Variants in SPATA6 observed in about 807,000 individuals in gnomAD.
SPATA6 encodes spermatogenesis-associated protein 6.
SPATA6 carries 56 observed loss-of-function variants against 65.3 expected under a neutral mutation model. That is an observed-to-expected ratio of 0.86 (90% CI 0.69 to 1.07). The LOEUF (loss-of-function observed/expected upper bound fraction) is 1.07, where lower values mean the gene tolerates loss of function less well. SPATA6 is among the 50% of genes least tolerant of loss of function. SPATA6 has a pLI of 0.00. For missense variants in SPATA6, 590 were observed against 594.8 expected (o/e 0.99, Z 0.08); for synonymous variants, 199 against 213.2 (o/e 0.93, Z 0.58).
chr1:48,373,871 G>C (rs1440098006), intron 9 of SPATA6, among the ~76,000 whole-genome samples: 2 of 152,138 alleles, frequency 1.3e-5, no homozygotes, highest in East Asian at 3.9e-4. Context: ...CTTCCCCCTG[G>C]GTCCTTCCCA....
intron 2 of SPATA6, among the ~76,000 whole-genome samples, 185 bp downstream of exon 2, chr1:48,452,809 G>A (rs1462958265): frequency 6.6e-6 from 1 of 152,142 alleles, no homozygotes; most frequent in Non-Finnish European, 1.5e-5. Flanking sequence ...AGGGAAAAAA[G>A]GCAACTGATT....
At chr1:48,288,779 G>C in the SPATA6 span, among the ~76,000 whole-genome samples, 15 of 152,224 alleles carry the variant, frequency 9.9e-5, no homozygotes, top group African/African-American at 3.6e-4. Flanking sequence ...GAACTGCAAG[G>C]TGGCAGCAAG....
At chr1:48,271,289 AG>A in the SPATA6 span, among the ~76,000 whole-genome samples, 2 of 152,158 alleles carry the variant, frequency 1.3e-5, no homozygotes, top group African/African-American at 2.4e-5. Flanking sequence ...ATAAACAAAA[AG>A]GCAGGCCATT....
chr1:48,311,436 GTCTAGAATGGTA>G (rs1193077694), intron 11 of SPATA6, among the ~76,000 whole-genome samples: 7 of 152,110 alleles, frequency 4.6e-5, no homozygotes, highest in African/African-American at 1.7e-4. Context: ...TTATAGAATT[GTCTAGAATGGTA>G]TCTATAAATA....
chr1:48,447,611 T>C (rs191115030), intron 3 of SPATA6, among the ~76,000 whole-genome samples: 1 of 152,284 alleles, frequency 6.6e-6, no homozygotes, highest in Admixed American at 6.5e-5. Flanking sequence ...GCACACAATC[T>C]TTTCAAGTGC....
At chr1:48,290,425 G>A (rs1372606849), downstream of SPATA6, among the ~76,000 whole-genome samples, 1 of 152,196 alleles carries the variant, frequency 6.6e-6, no homozygotes, top group Non-Finnish European at 1.5e-5. Flanking sequence ...TCGAGGCTAG[G>A]AAGAAACTGC....
chr1:48,275,554 T>A, the SPATA6 span, among the ~76,000 whole-genome samples: 1 of 152,168 alleles, frequency 6.6e-6, no homozygotes, highest in Admixed American at 6.5e-5. Flanking sequence ...CAAGAAGGGG[T>A]GCTGAATTTT....
At chr1:48,445,165 C>CAA (rs1453622813) in intron 3 of SPATA6, among the ~76,000 whole-genome samples, 1 of 152,080 alleles carries the variant, frequency 6.6e-6, no homozygotes, top group Non-Finnish European at 1.5e-5. Context: ...TCTTTGCTTC[C>CAA]ACTGACATAC....
chr1:48,470,305 A>T (rs34443737), intron 1 of SPATA6, among the ~76,000 whole-genome samples: 60 of 152,188 alleles, frequency 3.9e-4, no homozygotes, highest in Non-Finnish European at 8.4e-4. Context: ...CCAGACTGCT[A>T]AACACCATTA....
chr1:48,412,891 T>C (rs1274356783), intron 4 of SPATA6, among the ~76,000 whole-genome samples: 1 of 151,992 alleles, frequency 6.6e-6, no homozygotes, highest in East Asian at 1.9e-4. Flanking sequence ...AGTGCTGGGA[T>C]TGCAGGCATG....
chr1:48,372,428 T>C (rs1049108925), intron 9 of SPATA6, among the ~76,000 whole-genome samples: 1 of 152,196 alleles, frequency 6.6e-6, no homozygotes, highest in Non-Finnish European at 1.5e-5. Flanking sequence ...TGATGCAAGA[T>C]GTGGGTTCCC....
chr1:48,404,055 G>A (rs1354959498), intron 5 of SPATA6, among the ~76,000 whole-genome samples, 173 bp from the exon 6 acceptor site: 3 of 152,110 alleles, frequency 2.0e-5, no homozygotes, highest in African/African-American at 7.2e-5. Context: ...ATGTTAGCAA[G>A]TAACAATGTC....
intron 3 of SPATA6, chr1:48,437,114 G>A (rs1211165682): frequency 9.4e-6 from 15 of 1,597,940 alleles, no homozygotes; most frequent in South Asian, 5.5e-5. Flanking sequence ...ATACTTTCAC[G>A]GTTGCCTCCT....
chr1:48,278,352 GAGA>G, the SPATA6 span, among the ~76,000 whole-genome samples: 1 of 152,226 alleles, frequency 6.6e-6, no homozygotes, highest in Non-Finnish European at 1.5e-5. Flanking sequence ...GATGAGTTGA[GAGA>G]AGAAGGCTTC....
chr1:48,356,931 T>C (rs527932751), intron 10 of SPATA6, among the ~76,000 whole-genome samples: 59 of 152,310 alleles, frequency 3.9e-4, no homozygotes, highest in Non-Finnish European at 6.5e-4. Context: ...CTCCTGTATA[T>C]ATAAAAGCAA....
chr1:48,278,219 A>G, the SPATA6 span, among the ~76,000 whole-genome samples: 1 of 100,148 alleles, frequency 1.0e-5, no homozygotes. Context: ...AGATAAAACC[A>G]CAAAGATGGG....
chr1:48,467,131 A>T (rs1371448905), intron 1 of SPATA6, among the ~76,000 whole-genome samples: 4 of 152,074 alleles, frequency 2.6e-5, no homozygotes, highest in African/African-American at 9.6e-5. Context: ...CCAAAGACTC[A>T]TTGAGAAAAG....
intron 9 of SPATA6, among the ~76,000 whole-genome samples, chr1:48,364,878 C>T (rs1557617482): frequency 1.3e-5 from 2 of 152,102 alleles, no homozygotes; most frequent in South Asian, 4.1e-4. Context: ...TTGCCCATGC[C>T]CATGTCCTGA....
chr1:48,300,757 T>G (rs1215631622), intron 12 of SPATA6, among the ~76,000 whole-genome samples: 1 of 152,074 alleles, frequency 6.6e-6, no homozygotes, highest in African/African-American at 2.4e-5. Context: ...TGGTTCATCA[T>G]GGGCAAATCA....
Sources: gnomAD v4.1 joint callset for allele counts (sites outside exome capture counted in the v4.1 genomes callset) on GRCh38, gnomAD v4.1.1 for gene constraint, MANE v1.5 for transcripts, NCBI Gene and HGNC (gene_info 2026-07-23, HGNC 2026-07-21) for gene names.